The following ANXA4 variants were observed in gnomAD, a reference collection of about 807,000 sequenced individuals.
ANXA4 encodes 35-beta calcimedin.
In ANXA4, 39 loss-of-function variants were observed where a neutral mutation model predicts 49.8. The ratio of observed to expected loss-of-function variants is 0.78; its 90% confidence interval spans 0.61 to 1.02. The LOEUF (loss-of-function observed/expected upper bound fraction) is 1.02, where lower values mean the gene tolerates loss of function less well. Ranked by LOEUF, ANXA4 falls within the 50% of genes least tolerant of loss-of-function variation. The pLI is 0.00. For missense variants in ANXA4, 360 were observed against 410.1 expected (o/e 0.88, Z 1.05); for synonymous variants, 134 against 152.5 (o/e 0.88, Z 0.89).
At chr2:69,719,562 C>T (rs1669763537) in intron 2 of ANXA4, among the ~76,000 whole-genome samples, 1 of 151,706 alleles carries the variant, frequency 6.6e-6, no homozygotes, top group African/African-American at 2.4e-5. Context: ...GCCTCAGCCT[C>T]CTGAGTAGCT....
At chr2:69,810,774 T>C in intron 7 of ANXA4, 101 bp downstream of exon 7, 1 of 914,740 alleles carries the variant, frequency 1.1e-6, no homozygotes, top group East Asian at 2.5e-5. Context: ...ATGTGGATAT[T>C]CCCCAGGTAG....
intron 6 of ANXA4, 102 bp from the exon 7 acceptor site, chr2:69,810,492 C>A: frequency 1.1e-6 from 1 of 927,694 alleles, no homozygotes. Flanking sequence ...TAAGCTGCTT[C>A]CATAAGCAGG....
intron 3 of ANXA4, among the ~76,000 whole-genome samples, chr2:69,734,201 C>T (rs959405400): frequency 1.3e-5 from 2 of 152,218 alleles, no homozygotes; most frequent in African/African-American, 2.4e-5. Flanking sequence ...GGCCTCTAGT[C>T]TCTCCTCCTC....
chr2:69,791,316 G>A (rs1325765275), intron 3 of ANXA4, among the ~76,000 whole-genome samples: 3 of 152,198 alleles, frequency 2.0e-5, no homozygotes, highest in Admixed American at 2.0e-4. Flanking sequence ...TCCTTAAAGG[G>A]AAATATACCC....
chr2:69,762,693 T>A (rs1486189926), intron 1 of ANXA4, among the ~76,000 whole-genome samples: 1 of 152,206 alleles, frequency 6.6e-6, no homozygotes, highest in Non-Finnish European at 1.5e-5. Context: ...GCCACCATGA[T>A]TCGCGCCCCA....
intron 3 of ANXA4, among the ~76,000 whole-genome samples, chr2:69,730,220 G>A (rs1270786510): frequency 3.3e-5 from 5 of 152,124 alleles, no homozygotes; most frequent in Non-Finnish European, 7.4e-5. Context: ...AACCCAGGAG[G>A]GCTGGGCATG....
At chr2:69,808,283 G>T in intron 6 of ANXA4, 1 of 332,030 alleles carries the variant, frequency 3.0e-6, no homozygotes, top group Non-Finnish European at 5.8e-6. Flanking sequence ...AAGAATCTAA[G>T]GTACTTGTTC....
intron 1 of ANXA4, among the ~76,000 whole-genome samples, chr2:69,758,248 A>G (rs907413038): frequency 3.3e-5 from 5 of 152,150 alleles, no homozygotes; most frequent in Admixed American, 6.5e-5. Context: ...CCTGGCCTCA[A>G]GTGATCTGCC....
intron 2 of ANXA4, among the ~76,000 whole-genome samples, chr2:69,707,838 T>G (rs1469474041): frequency 6.6e-6 from 1 of 152,212 alleles, no homozygotes; most frequent in Non-Finnish European, 1.5e-5. Context: ...CGTTCTATTT[T>G]TTTGTACCCA....
At chr2:69,663,291 G>GC in intron 2 of ANXA4, among the ~76,000 whole-genome samples, 2 of 65,500 alleles carry the variant, frequency 3.1e-5, no homozygotes. Context: ...AATGCACCCG[G>GC]CCTTTTTTTT....
chr2:69,670,574 G>T (rs1254901644), intron 2 of ANXA4, among the ~76,000 whole-genome samples: 5 of 152,098 alleles, frequency 3.3e-5, no homozygotes, highest in African/African-American at 1.2e-4. Flanking sequence ...TGGGCACAGG[G>T]ATAGACAACT....
intron 2 of ANXA4, among the ~76,000 whole-genome samples, chr2:69,677,132 C>T (rs975586720): frequency 9.2e-5 from 14 of 151,508 alleles, no homozygotes; most frequent in Non-Finnish European, 1.3e-4. Context: ...ATTTCTTATG[C>T]ATATAATTAA....
chr2:69,717,330 C>A (rs1299150929), intron 2 of ANXA4, among the ~76,000 whole-genome samples: 1 of 152,148 alleles, frequency 6.6e-6, no homozygotes. Context: ...TGGAAAACTC[C>A]CACCATGGCC....
intron 3 of ANXA4, among the ~76,000 whole-genome samples, chr2:69,721,445 T>C (rs1414726074): frequency 6.6e-6 from 1 of 152,206 alleles, no homozygotes; most frequent in African/African-American, 2.4e-5. Flanking sequence ...TGGTGGCTGA[T>C]GCCTGCGATC....
intron 1 of ANXA4, among the ~76,000 whole-genome samples, chr2:69,649,120 A>G (rs569150053): frequency 1.3e-5 from 2 of 152,116 alleles, no homozygotes; most frequent in Admixed American, 1.3e-4. Flanking sequence ...TCTCAACCTC[A>G]GGTGATCTGC....
rs192385040 is a variant in ANXA4 at position 69,794,705 on chromosome 2, G to A, written c.97+6564G>A. Among the ~76,000 whole-genome samples the A allele has an allele frequency of 3.2e-3, 482 of 152,224 alleles. 2 individuals carry two copies. Among genetic ancestry groups the A allele is most frequent in the African/African-American group, 0.01 (434 of 41,534 alleles). On this transcript the variant is annotated intron_variant, in intron 3 of 12. Transcript: ENST00000394295. The stretch of plus-strand genomic sequence containing the variant: ...AGCCTCCCGAGTAGCTGGGACTACA[G>A]GTGCCTGCCACCATGCCCAGCTAAT...
At chr2:69,692,039 T>C (rs1164710598) in intron 2 of ANXA4, among the ~76,000 whole-genome samples, 1 of 152,076 alleles carries the variant, frequency 6.6e-6, no homozygotes. Context: ...GCACTTGCCA[T>C]CATACCTGGC....
intron 6 of ANXA4, 66 bp downstream of exon 6, chr2:69,808,062 GGTT>G: frequency 6.7e-7 from 1 of 1,487,802 alleles, no homozygotes; most frequent in Non-Finnish European, 9.4e-7. Context: ...GGTAGCAGCG[GGTT>G]GTTGTTTGCT....
intron 8 of ANXA4, among the ~76,000 whole-genome samples, chr2:69,813,758 CTT>C (rs35151857): frequency 7.3e-5 from 6 of 82,026 alleles, no homozygotes; most frequent in South Asian, 4.5e-4. Context: ...CTCTCTCTCT[CTT>C]TTTTTTTTTT....
Sources: gnomAD v4.1 joint callset for allele counts (sites outside exome capture counted in the v4.1 genomes callset) on GRCh38, gnomAD v4.1.1 for gene constraint, MANE v1.5 for transcripts, NCBI Gene and HGNC (gene_info 2026-07-23, HGNC 2026-07-21) for gene names.